The following TUBGCP5 variants were observed in gnomAD, a reference collection of about 807,000 sequenced individuals.
TUBGCP5 encodes gamma-tubulin complex component 5.
In TUBGCP5, 98 loss-of-function variants were observed where a neutral mutation model predicts 134.7. The observed-to-expected ratio is 0.73, with a 90% CI of 0.62 to 0.86. The LOEUF is 0.86. Ranked by LOEUF, TUBGCP5 falls within the 40% of genes least tolerant of loss-of-function variation. TUBGCP5 has a pLI of 0.00. For synonymous variants in TUBGCP5, 456 were observed against 431.4 expected (o/e 1.06, Z -0.71); for missense variants, 1,150 against 1,244.8 (o/e 0.92, Z 1.15).
At chr15:23,012,821 G>A (rs1467076077) in intron 13 of TUBGCP5, among the ~76,000 whole-genome samples, 2 of 152,190 alleles carry the variant, frequency 1.3e-5, no homozygotes, top group Non-Finnish European at 2.9e-5. Flanking sequence ...AGAAATGCCA[G>A]AAGGGCTGGT....
At chr15:22,985,167 T>C (rs1567071600) in intron 23 of TUBGCP5, among the ~76,000 whole-genome samples, 4 of 152,176 alleles carry the variant, frequency 2.6e-5, no homozygotes, top group Admixed American at 6.5e-5. Context: ...CTAATAGAAA[T>C]ACAAATTAAT....
intron 23 of TUBGCP5, among the ~76,000 whole-genome samples, chr15:22,984,319 A>C (rs1411927286): frequency 6.6e-6 from 1 of 151,988 alleles, no homozygotes; most frequent in African/African-American, 2.4e-5. Context: ...ACTTCCATGG[A>C]GAAAGAAAAC....
intron 3 of TUBGCP5, 107 bp from the exon 4 acceptor site, chr15:23,032,931 G>C: frequency 1.3e-6 from 1 of 765,080 alleles, no homozygotes; most frequent in Non-Finnish European, 2.0e-6. Flanking sequence ...TTTTTTTCCT[G>C]GTTTGAGAAA....
At position 23,011,271 on chromosome 15, in the gene TUBGCP5, T is replaced by C. The variant is rs2065015745; in HGVS notation, c.1817A>G (p.His606Arg). Residue 606 changes from histidine to arginine, a missense_variant, in exon 14 of 23, where the codon CAT (histidine) becomes CGT (arginine). Physicochemically the swap from His to Arg is conservative, Grantham distance 29. Coordinates refer to ENST00000615383, the MANE Select transcript of TUBGCP5 (RefSeq NM_052903.6). Reference protein sequence around the residue: ...FLESVQSRLRHGEDSTPQVLT... With the variant: ...FLESVQSRLRRGEDSTPQVLT... ...AACCTGTGGAGTGGAATCTTCTCCA[T>C]GTCGAAGACGGGACTGTACAGATTC... The C allele has an allele frequency of 6.2e-7, 1 of 1,614,002 alleles. No homozygotes were observed. Among genetic ancestry groups the C allele is most frequent in the African/African-American group, 1.3e-5 (1 of 75,026 alleles).
intron 3 of TUBGCP5, among the ~76,000 whole-genome samples, chr15:23,033,873 C>T (rs900697711): frequency 6.6e-6 from 1 of 152,060 alleles, no homozygotes; most frequent in Non-Finnish European, 1.5e-5. Context: ...TATTACTCTC[C>T]TCTGTTCAAG....
chr15:23,036,148 C>A lies in TUBGCP5; in HGVS notation c.309+749G>T, dbSNP rs114552348. 9.5e-3 allele frequency among the ~76,000 whole-genome samples: 1,451 copies of A among 152,272 alleles called. 28 individuals are homozygous for A. Among genetic ancestry groups the A allele is most frequent in the African/African-American group, 0.033 (1,362 of 41,544 alleles). ...ATACGCTTGCCATCCTTGGTTTGAC[C>A]TCTAGGGGGCTACAGACTCAGCAGC... On this transcript the variant is annotated intron_variant, in intron 3 of 22. Coordinates refer to ENST00000615383, the MANE Select transcript of TUBGCP5 (RefSeq NM_052903.6).
chr15:23,031,717 C>A (rs1481421859), intron 5 of TUBGCP5, among the ~76,000 whole-genome samples: 1 of 152,084 alleles, frequency 6.6e-6, no homozygotes, highest in Non-Finnish European at 1.5e-5. Context: ...TCCTGCCTCT[C>A]GAAAGTGAGC....
chr15:23,039,531 C>A lies in TUBGCP5; in HGVS notation c.13G>T (p.Gly5Trp), dbSNP rs866729330. ...GCGTCCAACCGACTCCACGGTGGCC[C>A]GTGCCGCGCCATGTTCCGCGCTCCT... MARH[G>W]PPWSRLDAQQ... Residue 5 changes from glycine to tryptophan, a missense_variant, in exon 1 of 23, where the codon GGG (glycine) becomes TGG (tryptophan). Gly to Trp is a radical substitution (Grantham distance 184, BLOSUM62 -2). Around this residue, in one of 2 missense-constraint regions of TUBGCP5, gnomAD observed 453 missense variants for 394.7 expected, o/e 1.15. Transcript: ENST00000615383. The A allele has an allele frequency of 1.4e-6, 2 of 1,477,904 alleles. No homozygotes were observed. The highest frequency in any genetic ancestry group is 1.8e-6 in the Non-Finnish European group (2 of 1,102,194). 91.5% of individuals were successfully genotyped at this position (1,477,904 alleles called of 1,614,324 possible). A position where few individuals can be genotyped will look rare whatever the true frequency, so the allele number is the denominator to read the frequency against.
chr15:23,039,203 T>G (rs982018937), intron 1 of TUBGCP5, among the ~76,000 whole-genome samples, 195 bp downstream of exon 1: 1 of 151,906 alleles, frequency 6.6e-6, no homozygotes, highest in African/African-American at 2.4e-5. Flanking sequence ...ACACGCCCTG[T>G]GGTGCGCAGG....
rs1414773042 is a variant in TUBGCP5, at chr15:23,027,191, C to T, written c.737+1G>A. 3 of 1,608,396 alleles carry T rather than the reference C, an allele frequency of 1.9e-6. No homozygotes were observed. The highest frequency in any genetic ancestry group is 2.7e-5 in the African/African-American group (2 of 74,774). On this transcript the variant is annotated splice_donor_variant, in intron 7 of 22. Coordinates refer to ENST00000615383, the MANE Select transcript of TUBGCP5 (RefSeq NM_052903.6). LOFTEE classifies it high-confidence loss of function. Reference sequence around the variant, plus strand: ...ATTAAATGAAAACTTTAGCTTCTTACCAGACAGCAGCTAAATTAGAGTGCA... The same window carrying T: ...ATTAAATGAAAACTTTAGCTTCTTATCAGACAGCAGCTAAATTAGAGTGCA...
rs564910614 is a variant in TUBGCP5 at position 22,988,597 on chromosome 15, G to A, written c.*62-4986C>T. On this transcript the variant is annotated intron_variant and NMD_transcript_variant, in intron 23 of 23. Transcript: ENST00000614508. ...AAAATACAAAAAAAATTAGCCGGGC[G>A]TGGTGGTGGGTGCCTGTAGTCCCAG... 1.8e-4 allele frequency among the ~76,000 whole-genome samples: 27 copies of A among 151,584 alleles called. No homozygotes were observed. The East Asian group carries it at 3.4e-3, about 19-fold the overall frequency.
chr15:23,037,299 A>G, intron 1 of TUBGCP5, 147 bp from the exon 2 acceptor site: 1 of 746,754 alleles, frequency 1.3e-6, no homozygotes, highest in East Asian at 2.5e-5. Context: ...TACCTCCACC[A>G]TCAGGCAGGC....
intron 1 of TUBGCP5, among the ~76,000 whole-genome samples, chr15:23,037,760 T>TA (rs1312940408): frequency 6.6e-6 from 1 of 152,210 alleles, no homozygotes; most frequent in African/African-American, 2.4e-5. Flanking sequence ...ATAGGTAGGC[T>TA]AATACTGCTA....
chr15:23,002,679 G>A (rs1407907728), intron 21 of TUBGCP5, among the ~76,000 whole-genome samples: 2 of 152,148 alleles, frequency 1.3e-5, no homozygotes, highest in African/African-American at 2.4e-5. Context: ...AGACATGACA[G>A]AGCTGTCCTC....
chr15:23,019,934 C>T (rs1007844916), intron 11 of TUBGCP5, among the ~76,000 whole-genome samples: 3 of 152,000 alleles, frequency 2.0e-5, no homozygotes, highest in Admixed American at 6.6e-5. Flanking sequence ...CCCAGGCAAG[C>T]GAACAAGGTT....
At chr15:23,036,751 C>A (rs1007028729) in intron 3 of TUBGCP5, 146 bp downstream of exon 3, 1 of 649,474 alleles carries the variant, frequency 1.5e-6, no homozygotes, top group African/African-American at 1.8e-5. Flanking sequence ...GGTTTGATGG[C>A]AATATTTAAG....
intron 23 of TUBGCP5, chr15:22,983,670 G>A (rs1346003619): frequency 6.6e-6 from 1 of 151,982 alleles, no homozygotes; most frequent in Non-Finnish European, 1.5e-5. Context: ...AATAAAAATA[G>A]AACAATTGTA....
At chr15:23,030,477 T>C (rs1251017809) in intron 6 of TUBGCP5, among the ~76,000 whole-genome samples, 2 of 152,024 alleles carry the variant, frequency 1.3e-5, no homozygotes, top group African/African-American at 4.8e-5. Flanking sequence ...AGTATTTGCA[T>C]ATAACCTATG....
intron 20 of TUBGCP5, among the ~76,000 whole-genome samples, chr15:23,003,480 A>G (rs1339714523): frequency 6.6e-6 from 1 of 152,168 alleles, no homozygotes; most frequent in Non-Finnish European, 1.5e-5. Flanking sequence ...AATTCTATCT[A>G]TTCACATGAA....
Sources: gnomAD v4.1 joint callset for allele counts (sites outside exome capture counted in the v4.1 genomes callset) on GRCh38, gnomAD v4.1.1 for gene constraint, gnomAD v4.1.1 regional missense constraint, MANE v1.5 for transcripts, NCBI Gene and HGNC (gene_info 2026-07-23, HGNC 2026-07-21) for gene names.